GALNT14: variants seen among roughly 807,000 people sequenced by gnomAD.
The protein encoded by GALNT14 is polypeptide N-acetylgalactosaminyltransferase 14.
A neutral mutation model predicts 77.5 loss-of-function variants in GALNT14; 60 were observed. The ratio of observed to expected loss-of-function variants is 0.77; its 90% CI spans 0.63 to 0.96. GALNT14 has a LOEUF of 0.96. GALNT14 is among the 40% of genes least tolerant of loss of function. GALNT14 has a pLI of 0.00. For synonymous variants in GALNT14, 280 were observed against 281.7 expected (o/e 0.99, Z 0.06); for missense variants, 710 against 731.0 (o/e 0.97, Z 0.33).
chr2:30,958,554 T>G, intron 3 of GALNT14, 90 bp from the exon 4 acceptor site: 3 of 982,364 alleles, frequency 3.1e-6, no homozygotes, highest in Admixed American at 3.8e-5. Flanking sequence ...CCATTGCATT[T>G]AAGGAATGAA....
At chr2:31,065,967 C>T (rs1295559710) in intron 1 of GALNT14, among the ~76,000 whole-genome samples, 1 of 152,152 alleles carries the variant, frequency 6.6e-6, no homozygotes, top group Admixed American at 6.5e-5. Flanking sequence ...GCCTTCGAGT[C>T]AGGATTCCAA....
chr2:31,056,612 G>C (rs991265542), intron 1 of GALNT14, among the ~76,000 whole-genome samples: 1 of 152,110 alleles, frequency 6.6e-6, no homozygotes, highest in African/African-American at 2.4e-5. Context: ...GCCATGGGGA[G>C]GCCTTTACAT....
intron 1 of GALNT14, among the ~76,000 whole-genome samples, chr2:31,010,921 C>T (rs1006700545): frequency 6.6e-6 from 1 of 152,188 alleles, no homozygotes; most frequent in Non-Finnish European, 1.5e-5. Flanking sequence ...AACCATTTTG[C>T]CTACAAAAAA....
the GALNT14 span, among the ~76,000 whole-genome samples, chr2:30,893,953 T>G: frequency 6.6e-6 from 1 of 152,184 alleles, no homozygotes; most frequent in Non-Finnish European, 1.5e-5. Context: ...CATCTTGAGC[T>G]TCTCAGTTAC....
intron 1 of GALNT14, among the ~76,000 whole-genome samples, chr2:31,063,460 T>C (rs1288456311): frequency 6.6e-6 from 1 of 152,236 alleles, no homozygotes; most frequent in Admixed American, 6.5e-5. Context: ...TTGGTTACTG[T>C]AATCTTGTAG....
chr2:30,917,096 A>AAAAAAAAAG (rs1335649916), intron 13 of GALNT14, among the ~76,000 whole-genome samples: 1 of 150,020 alleles, frequency 6.7e-6, no homozygotes, highest in Non-Finnish European at 1.5e-5. Context: ...AAAAAAAAAA[A>AAAAAAAAAG]AAAAAAAAAG....
intron 2 of GALNT14, among the ~76,000 whole-genome samples, chr2:30,977,469 C>T (rs761886284): frequency 6.6e-6 from 1 of 152,164 alleles, no homozygotes; most frequent in Non-Finnish European, 1.5e-5. Flanking sequence ...TGGGTCATCC[C>T]TCACTTGCTA....
At position 30,945,747 on chromosome 2, in the gene GALNT14, A is replaced by T. The variant is rs766376329; in HGVS notation, c.742+36T>A. On this transcript the variant is annotated intron_variant, in intron 7 of 14. Transcript: ENST00000349752. ...AAAGCAGTGACTGAGAGGAAAAGAA[A>T]ATCCTTACTGGGGAGGAGGTGTTAG... is the stretch of plus-strand genomic sequence containing the variant. The T allele has an allele frequency of 6.5e-6, 10 of 1,541,420 alleles. No homozygotes were observed. The African/African-American group carries it at 1.4e-4, about 21-fold the overall frequency.
At chr2:30,956,816 CT>C (rs1667402058) in intron 4 of GALNT14, among the ~76,000 whole-genome samples, 1 of 152,228 alleles carries the variant, frequency 6.6e-6, no homozygotes, top group South Asian at 2.1e-4. Flanking sequence ...CCCCATTTCT[CT>C]TTTCTTATAG....
At chr2:30,997,654 C>G (rs187888059) in intron 1 of GALNT14, among the ~76,000 whole-genome samples, 39 of 152,070 alleles carry the variant, frequency 2.6e-4, no homozygotes, top group Middle Eastern at 6.3e-3. Flanking sequence ...AAGTATGATG[C>G]CACAAACAGA....
At chr2:30,906,365 C>A (rs1317700380), downstream of GALNT14, among the ~76,000 whole-genome samples, 1 of 149,396 alleles carries the variant, frequency 6.7e-6, no homozygotes, top group Non-Finnish European at 1.5e-5. Flanking sequence ...GGAGGAAGAT[C>A]TACCAAGCAA....
At chr2:31,001,107 T>C (rs1289841113) in intron 1 of GALNT14, among the ~76,000 whole-genome samples, 1 of 152,170 alleles carries the variant, frequency 6.6e-6, no homozygotes, top group African/African-American at 2.4e-5. Context: ...CTCGTCTCCA[T>C]GTAGCCAGGC....
chr2:30,910,213 TAA>T (rs892396017), downstream of GALNT14, among the ~76,000 whole-genome samples: 1 of 138,808 alleles, frequency 7.2e-6, no homozygotes, highest in African/African-American at 2.8e-5. Context: ...AGTATAATAA[TAA>T]AAAAAAAAAG....
chr2:31,067,580 G>C (rs1443071468), intron 1 of GALNT14, among the ~76,000 whole-genome samples: 1 of 152,146 alleles, frequency 6.6e-6, no homozygotes, highest in African/African-American at 2.4e-5. Flanking sequence ...GCCCATGGTA[G>C]CTCCATGACT....
chr2:30,923,741 GTCT>G (rs1665181518), intron 13 of GALNT14, among the ~76,000 whole-genome samples: 1 of 152,218 alleles, frequency 6.6e-6, no homozygotes, highest in Non-Finnish European at 1.5e-5. Context: ...CCCAGCGGCA[GTCT>G]TCTCCCTCTT....
downstream of GALNT14, among the ~76,000 whole-genome samples, chr2:30,907,579 AC>A (rs1185337777): frequency 3.9e-5 from 6 of 152,170 alleles, no homozygotes; most frequent in Admixed American, 3.9e-4. Context: ...TAGCTTACCA[AC>A]CAAAAAGAGT....
At chr2:31,072,322 C>T (rs1419099822) in intron 1 of GALNT14, among the ~76,000 whole-genome samples, 3 of 146,828 alleles carry the variant, frequency 2.0e-5, no homozygotes, top group South Asian at 2.1e-4. Context: ...CACACACACA[C>T]GCATGCGGAC....
At chr2:30,916,532 T>C (rs2148208825) in intron 13 of GALNT14, among the ~76,000 whole-genome samples, 1 of 151,976 alleles carries the variant, frequency 6.6e-6, no homozygotes, top group South Asian at 2.1e-4. Context: ...AGGAGGGGAG[T>C]CACCAATGAA....
At chr2:30,964,266 A>C (rs1667863533) in intron 3 of GALNT14, among the ~76,000 whole-genome samples, 1 of 152,194 alleles carries the variant, frequency 6.6e-6, no homozygotes, top group Non-Finnish European at 1.5e-5. Context: ...CAGAGGTTGC[A>C]GTTGGTCTGC....
Sources: gnomAD v4.1 joint callset for allele counts (sites outside exome capture counted in the v4.1 genomes callset) on GRCh38, gnomAD v4.1.1 for gene constraint, MANE v1.5 for transcripts, NCBI Gene and HGNC (gene_info 2026-07-23, HGNC 2026-07-21) for gene names.